The following GALNTL6 variants were observed in gnomAD, a reference collection of about 807,000 sequenced individuals.
The protein encoded by GALNTL6 is polypeptide N-acetylgalactosaminyltransferase like 6, also known as polypeptide N-acetylgalactosaminyltransferase-like 6.
Under a neutral mutation model 73.7 loss-of-function variants are expected in GALNTL6, and 46 were observed. The ratio of observed to expected loss-of-function variants is 0.62; its 90% CI spans 0.49 to 0.80. The LOEUF (loss-of-function observed/expected upper bound fraction) is 0.80. GALNTL6 is among the 30% of genes least tolerant of loss of function. The probability of loss-of-function intolerance (pLI) is 0.00; values close to 1 mark genes in which losing one functional copy is unlikely to be tolerated. For synonymous variants in GALNTL6, 259 were observed against 263.7 expected, an observed-to-expected ratio of 0.98 and a Z score of 0.17; for missense variants, 604 against 755.0, an observed-to-expected ratio of 0.80 and a Z score of 2.34.
chr4:172,089,482 T>C (rs1175589075), intron 2 of GALNTL6, among the ~76,000 whole-genome samples: 1 of 152,122 alleles, frequency 6.6e-6, no homozygotes, highest in Non-Finnish European at 1.5e-5. Context: ...AAAAAGGCCA[T>C]TTTAATTTTA....
intron 5 of GALNTL6, among the ~76,000 whole-genome samples, chr4:172,777,446 C>A (rs891705382): frequency 2.5e-4 from 38 of 152,144 alleles, no homozygotes; most frequent in African/African-American, 9.2e-4. Flanking sequence ...AGGTCCAGAT[C>A]TCAATTTCTT....
At chr4:172,287,765 TA>T (rs1472650289) in intron 3 of GALNTL6, among the ~76,000 whole-genome samples, 1 of 152,152 alleles carries the variant, frequency 6.6e-6, no homozygotes, top group Non-Finnish European at 1.5e-5. Flanking sequence ...TGCTTTGAAA[TA>T]ATGCTTAAAG....
At chr4:172,207,569 C>G (rs1354491568) in intron 2 of GALNTL6, among the ~76,000 whole-genome samples, 2 of 152,150 alleles carry the variant, frequency 1.3e-5, no homozygotes, top group East Asian at 3.9e-4. Context: ...AACCCTTTGT[C>G]AGAGCCAATA....
chr4:172,349,745 A>G (rs1335899689), intron 5 of GALNTL6, among the ~76,000 whole-genome samples: 1 of 151,788 alleles, frequency 6.6e-6, no homozygotes, highest in Admixed American at 6.6e-5. Flanking sequence ...CACTATTAAT[A>G]TGGCGGAGAT....
intron 2 of GALNTL6, among the ~76,000 whole-genome samples, chr4:172,205,156 A>T (rs1736066455): frequency 6.6e-6 from 1 of 152,230 alleles, no homozygotes; most frequent in Non-Finnish European, 1.5e-5. Context: ...CACACACATT[A>T]TATTCATCTT....
intron 5 of GALNTL6, among the ~76,000 whole-genome samples, chr4:172,736,143 G>C (rs1454960057): frequency 6.6e-6 from 1 of 152,242 alleles, no homozygotes; most frequent in African/African-American, 2.4e-5. Context: ...CAGGGTTTGA[G>C]AGCAGACAAC....
intron 2 of GALNTL6, among the ~76,000 whole-genome samples, chr4:171,936,766 T>C (rs983941737): frequency 6.6e-6 from 1 of 152,138 alleles, no homozygotes; most frequent in Non-Finnish European, 1.5e-5. Flanking sequence ...CTTTTAGAAA[T>C]AGTTTATATT....
chr4:172,078,215 T>C (rs973953995), intron 2 of GALNTL6, among the ~76,000 whole-genome samples: 2 of 152,114 alleles, frequency 1.3e-5, no homozygotes, highest in African/African-American at 4.8e-5. Flanking sequence ...GATTGGAACA[T>C]GGGGGCAGAT....
At chr4:172,565,156 C>A (rs1736511661) in intron 5 of GALNTL6, among the ~76,000 whole-genome samples, 1 of 152,136 alleles carries the variant, frequency 6.6e-6, no homozygotes, top group Non-Finnish European at 1.5e-5. Context: ...TTTATGAAGG[C>A]AAAGATCTCA....
At chr4:172,506,911 G>A (rs11132948) in intron 5 of GALNTL6, among the ~76,000 whole-genome samples, 36,293 of 54,274 alleles carry the variant, frequency 0.67, 17,598 homozygotes, top group Non-Finnish European at 0.99. Context: ...CACAAAAGGC[G>A]GGTTAATTGG....
At chr4:172,601,452 A>T (rs1738048937) in intron 5 of GALNTL6, among the ~76,000 whole-genome samples, 1 of 152,106 alleles carries the variant, frequency 6.6e-6, no homozygotes, top group African/African-American at 2.4e-5. Context: ...GACTGGATAA[A>T]TCACTGAAAA....
At chr4:172,315,122 A>G (rs1740497926) in intron 4 of GALNTL6, among the ~76,000 whole-genome samples, 2 of 152,178 alleles carry the variant, frequency 1.3e-5, no homozygotes, top group African/African-American at 4.8e-5. Context: ...TTTGTTTTTA[A>G]TTTTTAAAAT....
At chr4:172,307,370 T>C (rs553996442) in intron 3 of GALNTL6, among the ~76,000 whole-genome samples, 2 of 152,300 alleles carry the variant, frequency 1.3e-5, no homozygotes, top group East Asian at 3.9e-4. Flanking sequence ...TTAAGTCCCA[T>C]CTATTTATCT....
At chr4:172,264,594 T>TATATATA (rs1738384759) in intron 3 of GALNTL6, among the ~76,000 whole-genome samples, 1 of 71,530 alleles carries the variant, frequency 1.4e-5, no homozygotes, top group Non-Finnish European at 3.4e-5. Context: ...ATATATATAT[T>TATATATA]TGGCATATAT....
chr4:172,354,422 G>A (rs1295430975), intron 5 of GALNTL6, among the ~76,000 whole-genome samples: 1 of 152,066 alleles, frequency 6.6e-6, no homozygotes, highest in Non-Finnish European at 1.5e-5. Flanking sequence ...TCTGCTTTCT[G>A]ATATTTGTAT....
intron 5 of GALNTL6, among the ~76,000 whole-genome samples, chr4:172,689,268 G>A (rs1349376633): frequency 6.6e-6 from 1 of 152,102 alleles, no homozygotes; most frequent in South Asian, 2.1e-4. Context: ...GTACAATATA[G>A]TGAAAGTAGA....
chr4:172,764,448 A>G (rs2110838810), intron 5 of GALNTL6, among the ~76,000 whole-genome samples: 1 of 152,158 alleles, frequency 6.6e-6, no homozygotes, highest in African/African-American at 2.4e-5. Context: ...AAAACTAGTT[A>G]TATATAATAA....
rs979486826 is a variant in GALNTL6, at chr4:172,833,805, A to G, written c.923+20082A>G. 3.3e-5 allele frequency among the ~76,000 whole-genome samples: 5 copies of G among 152,216 alleles called. No homozygotes were observed. The East Asian group carries it at 9.6e-4, about 29-fold the overall frequency. ...AAACTTCTTTCCACAGAGAGATGCT[A>G]AATACTCAAGACAGAAGGGAGTAGT... On this transcript the variant is annotated intron_variant, in intron 7 of 12. Coordinates refer to ENST00000506823, the MANE Select transcript of GALNTL6 (RefSeq NM_001034845.3).
intron 11 of GALNTL6, among the ~76,000 whole-genome samples, chr4:173,011,102 T>C (rs1028473291): frequency 5.3e-5 from 8 of 152,240 alleles, no homozygotes; most frequent in African/African-American, 1.4e-4. Context: ...ATTTCTTTGA[T>C]GATCGATAAT....
Sources: gnomAD v4.1 joint callset for allele counts (sites outside exome capture counted in the v4.1 genomes callset) on GRCh38, gnomAD v4.1.1 for gene constraint, MANE v1.5 for transcripts, NCBI Gene and HGNC (gene_info 2026-07-23, HGNC 2026-07-21) for gene names.